ACSL1: variants seen among roughly 807,000 people sequenced by gnomAD.
ACSL1 encodes long-chain-fatty-acid--CoA ligase 1.
ACSL1 carries 41 observed loss-of-function variants against 98.4 expected under a neutral mutation model. The ratio of observed to expected loss-of-function variants is 0.42; its 90% CI spans 0.32 to 0.54. The LOEUF is 0.54. Among genes scored for constraint, ACSL1 ranks in the 20% least tolerant of loss-of-function variants. The pLI, the probability that ACSL1 is intolerant of heterozygous loss-of-function variation, is 0.13. For missense variants in ACSL1, 734 were observed against 883.1 expected, an observed-to-expected ratio of 0.83 and a Z score of 2.14; for synonymous variants, 316 against 322.7, an observed-to-expected ratio of 0.98 and a Z score of 0.22.
chr4:184,767,798 G>A (rs1389836450), intron 12 of ACSL1, among the ~76,000 whole-genome samples: 2 of 152,180 alleles, frequency 1.3e-5, no homozygotes, highest in Non-Finnish European at 2.9e-5. Flanking sequence ...CTGGCTGTGC[G>A]GTCCACGCAA....
At chr4:184,817,616 C>G (rs1369393991) in intron 1 of ACSL1, among the ~76,000 whole-genome samples, 2 of 152,084 alleles carry the variant, frequency 1.3e-5, no homozygotes, top group Non-Finnish European at 2.9e-5. Flanking sequence ...TGGAGGCACC[C>G]TGAAATGCGT....
At chr4:184,787,011 C>A (rs941816513) in intron 3 of ACSL1, among the ~76,000 whole-genome samples, 1 of 152,078 alleles carries the variant, frequency 6.6e-6, no homozygotes, top group African/African-American at 2.4e-5. Context: ...TTCTTGAGTG[C>A]ATATTACATG....
At position 184,803,279 on chromosome 4, in the gene ACSL1, T is replaced by A; in HGVS notation, c.195+41A>T. 2.7e-6 allele frequency: 4 copies of A among 1,471,226 alleles called. No homozygotes were observed. Among genetic ancestry groups the A allele is most frequent in the Non-Finnish European group, 3.6e-6 (4 of 1,099,050 alleles). 91.1% of individuals were successfully genotyped at this position (1,471,226 alleles called of 1,614,324 possible). A position where few individuals can be genotyped will look rare whatever the true frequency, so the allele number is the denominator to read the frequency against. On this transcript the variant is annotated intron_variant, in intron 2 of 20. Transcript: ENST00000281455. This position sits in a 1 kb window ranked among gnomAD's most constrained non-coding sequence, Gnocchi z 4.8. Reference sequence around the variant, plus strand: ...ACAGGGCTCAGCTCATCTGGGGAAATGCGGAGAAAACGCACGAGGCAGGCT... The same window carrying A: ...ACAGGGCTCAGCTCATCTGGGGAAAAGCGGAGAAAACGCACGAGGCAGGCT...
chr4:184,803,456 T>G lies in ACSL1; in HGVS notation c.59A>C (p.Gln20Pro), dbSNP rs1284727067. The change falls in exon 2 of 21, where the codon CAG becomes CCG. Residue 20 changes from glutamine to proline, a missense_variant. By Grantham distance (76) the Gln-to-Pro change is moderately conservative. Coordinates refer to ENST00000281455, the MANE Select transcript of ACSL1 (RefSeq NM_001995.5). The surrounding 1 kb of genome is among the most constrained non-coding windows in gnomAD (Gnocchi z 4.8). ...GTTGGTCGGAAGAGTACGCACGTAC[T>G]GTCGGAAGTCAACCAGCTCTGGCAT... ...FRMPELVDFR[Q>P]YVRTLPTNTL... The G allele has an allele frequency of 6.2e-7, 1 of 1,612,656 alleles. No individual in the cohort carries two copies. The highest frequency in any genetic ancestry group is 1.7e-5 in the Admixed American group (1 of 59,724).
intron 1 of ACSL1, among the ~76,000 whole-genome samples, chr4:184,814,286 G>A (rs183281381): frequency 0.038 from 2,801 of 74,452 alleles, 90 homozygotes; most frequent in African/African-American, 0.12. Context: ...GCGAGACTCC[G>A]CCTCAAAAAA....
At chr4:184,821,515 C>T (rs1296210783) in intron 1 of ACSL1, among the ~76,000 whole-genome samples, 1 of 152,328 alleles carries the variant, frequency 6.6e-6, no homozygotes, top group African/African-American at 2.4e-5. Flanking sequence ...ACCATGAAAT[C>T]CCTATTTCAA....
At chr4:184,811,385 T>G (rs1315326682) in intron 1 of ACSL1, among the ~76,000 whole-genome samples, 11 of 152,250 alleles carry the variant, frequency 7.2e-5, no homozygotes, top group South Asian at 2.1e-4. Context: ...GTGCTGGGAT[T>G]ACAGGTGTGA....
chr4:184,777,419 G>A (rs1765467265), intron 5 of ACSL1, among the ~76,000 whole-genome samples: 2 of 150,472 alleles, frequency 1.3e-5, no homozygotes, highest in African/African-American at 2.4e-5. Context: ...GATCACACCA[G>A]TGCACTCCAG....
At chr4:184,771,447 C>T (rs1042388023) in intron 10 of ACSL1, among the ~76,000 whole-genome samples, 6 of 152,238 alleles carry the variant, frequency 3.9e-5, no homozygotes, top group African/African-American at 9.6e-5. Flanking sequence ...ATTTTTAATA[C>T]CTTAAAGCCC....
At chr4:184,820,730 G>A (rs1040630846) in intron 1 of ACSL1, among the ~76,000 whole-genome samples, 3 of 152,066 alleles carry the variant, frequency 2.0e-5, no homozygotes, top group Non-Finnish European at 4.4e-5. Context: ...TCAACCTCCC[G>A]AGCAGCTGAG....
chr4:184,779,869 CCTTT>C (rs1249924056), intron 5 of ACSL1, among the ~76,000 whole-genome samples: 6 of 151,312 alleles, frequency 4.0e-5, no homozygotes, highest in East Asian at 1.9e-4. Context: ...TTCAGGTTTT[CCTTT>C]CTTTTTTTTT....
chr4:184,775,599 C>T (rs1765167396), intron 7 of ACSL1, among the ~76,000 whole-genome samples: 1 of 152,160 alleles, frequency 6.6e-6, no homozygotes, highest in South Asian at 2.1e-4. Context: ...CAGGGGCGCA[C>T]ACATGCACAA....
chr4:184,764,671 A>G lies in ACSL1; in HGVS notation c.1432+182T>C, dbSNP rs560005336. 4.6e-5 allele frequency among the ~76,000 whole-genome samples: 7 copies of G among 152,218 alleles called. No homozygotes were observed. In the South Asian group the frequency reaches 1.5e-3, roughly 32 times the overall value. Reference sequence around the variant, plus strand: ...CCCAGCGCCACCCCTCAGTTGCAGGAGGTGTTCTCCCCACAGTGCCCTGAC... The same window carrying G: ...CCCAGCGCCACCCCTCAGTTGCAGGGGGTGTTCTCCCCACAGTGCCCTGAC... On this transcript the variant is annotated intron_variant, in intron 15 of 20. Transcript: ENST00000281455.
chr4:184,782,848 T>C (rs1425691363), intron 4 of ACSL1, among the ~76,000 whole-genome samples: 1 of 152,108 alleles, frequency 6.6e-6, no homozygotes, highest in Non-Finnish European at 1.5e-5. Context: ...AATCATGCAC[T>C]TCAGTCTGAG....
At chr4:184,788,877 G>T (rs536434149) in intron 2 of ACSL1, 146 bp from the exon 3 acceptor site, 52 of 628,912 alleles carry the variant, frequency 8.3e-5, no homozygotes, top group Non-Finnish European at 1.2e-4. Flanking sequence ...TATTCTCTTA[G>T]TAATTTCAGG....
Position 184,757,019 on chromosome 4 carries a change from G to A in ACSL1, c.*106C>T. ...CCGAATGGACAAGTCAAACACGAACGCTTCCTTCCCTACACTTGCTGTATT... is the reference window on the plus strand; with the variant it reads ...CCGAATGGACAAGTCAAACACGAACACTTCCTTCCCTACACTTGCTGTATT... On this transcript the variant is annotated 3_prime_UTR_variant, in exon 21 of 21. Transcript: ENST00000281455. The surrounding 1 kb of genome is among the most constrained non-coding windows in gnomAD (Gnocchi z 4.5). The A allele has an allele frequency of 8.9e-6, 12 of 1,354,718 alleles. No homozygotes were observed. The highest frequency in any genetic ancestry group is 1.1e-5 in the Non-Finnish European group (11 of 1,010,538). 83.9% of individuals were successfully genotyped at this position (1,354,718 alleles called of 1,614,324 possible).
chr4:184,780,488 A>G, intron 4 of ACSL1, 55 bp from the exon 5 acceptor site: 1 of 1,361,984 alleles, frequency 7.3e-7, no homozygotes, highest in Non-Finnish European at 1.0e-6. Flanking sequence ...TCCAGAAACA[A>G]AGCTGACCAG....
chr4:184,777,811 G>A (rs1315529868), intron 5 of ACSL1, among the ~76,000 whole-genome samples: 1 of 152,128 alleles, frequency 6.6e-6, no homozygotes, highest in Non-Finnish European at 1.5e-5. Context: ...GACAGAGGGA[G>A]GCAGGGAGAT....
Position 184,776,680 on chromosome 4 carries a change from C to A in ACSL1, c.578-18G>T. ...GAGTTCAGCTGTAAATGAAGAGATA[C>A]AATGAAGAATAAGCTCTGGGATGTT... On this transcript the variant is annotated intron_variant, in intron 6 of 20. Transcript: ENST00000281455. 1 of 1,603,800 alleles carries A rather than the reference C, an allele frequency of 6.2e-7. No homozygotes were observed. Among genetic ancestry groups the A allele is most frequent in the Admixed American group, 1.7e-5 (1 of 59,544 alleles).
Sources: gnomAD v4.1 joint callset for allele counts (sites outside exome capture counted in the v4.1 genomes callset) on GRCh38, gnomAD v4.1.1 for gene constraint, Gnocchi (gnomAD v3.1) non-coding constraint, MANE v1.5 for transcripts, NCBI Gene and HGNC (gene_info 2026-07-23, HGNC 2026-07-21) for gene names.